Variants in AHCYL2 observed in about 807,000 individuals in gnomAD.
The protein encoded by AHCYL2 is adenosylhomocysteinase like 2.
Under a neutral mutation model 81.4 loss-of-function variants are expected in AHCYL2, and 28 were observed. The observed-to-expected ratio is 0.34, with a 90% CI of 0.25 to 0.47. AHCYL2 has a LOEUF of 0.47. Among genes scored for constraint, AHCYL2 ranks in the 20% least tolerant of loss-of-function variants. The pLI, the probability that AHCYL2 is intolerant of heterozygous loss-of-function variation, is 1.00. For synonymous variants in AHCYL2, 272 were observed against 290.2 expected (o/e 0.94, Z 0.64); for missense variants, 551 against 785.1 (o/e 0.70, Z 3.56).
At chr7:129,340,391 C>T (rs1464700392) in intron 1 of AHCYL2, among the ~76,000 whole-genome samples, 2 of 150,952 alleles carry the variant, frequency 1.3e-5, no homozygotes, top group East Asian at 3.9e-4. Flanking sequence ...CACGGTGAAA[C>T]CCCGTCTCTA....
chr7:129,275,917 C>T (rs1278379894), intron 1 of AHCYL2, among the ~76,000 whole-genome samples: 2 of 152,026 alleles, frequency 1.3e-5, no homozygotes, highest in African/African-American at 2.4e-5. Context: ...CCAAGCCCCA[C>T]GCTTAATAGA....
chr7:129,333,778 TAAG>T (rs979345750), intron 1 of AHCYL2, among the ~76,000 whole-genome samples: 1 of 152,200 alleles, frequency 6.6e-6, no homozygotes, highest in African/African-American at 2.4e-5. Context: ...AAAAATTAAA[TAAG>T]AAGAAACATT....
At chr7:129,367,523 A>G (rs1009794719) in intron 1 of AHCYL2, among the ~76,000 whole-genome samples, 4 of 152,196 alleles carry the variant, frequency 2.6e-5, no homozygotes, top group Non-Finnish European at 5.9e-5. Context: ...CTTTAAGGTG[A>G]TAGTGTACAG....
rs1794204295 is a variant in AHCYL2, at chr7:129,368,351, G to A, written c.364-11287G>A. The A allele has an allele frequency of 6.7e-7, 1 of 1,482,322 alleles. No individual in the cohort carries two copies. The highest frequency in any genetic ancestry group is 2.4e-5 in the East Asian group (1 of 41,586). The allele number at this position is 1,482,322 out of a possible 1,614,324, so 91.8% of individuals were successfully genotyped here. ...CTTGATTTGAATCGGAGGCTGCTGT[G>A]AAAAGGGATGCAGCTTCTGCTAGCC... On this transcript the variant is annotated intron_variant, in intron 1 of 16. Coordinates refer to ENST00000325006, the MANE Select transcript of AHCYL2 (RefSeq NM_015328.4). This position sits in a 1 kb window ranked among gnomAD's most constrained non-coding sequence, Gnocchi z 4.4.
chr7:129,292,515 C>G (rs1472222170), intron 1 of AHCYL2, among the ~76,000 whole-genome samples: 1 of 152,148 alleles, frequency 6.6e-6, no homozygotes, highest in Non-Finnish European at 1.5e-5. Flanking sequence ...GCCTGTAATC[C>G]TAGCACTTTG....
intron 1 of AHCYL2, among the ~76,000 whole-genome samples, chr7:129,362,942 CT>C (rs1477383501): frequency 1.3e-5 from 2 of 152,146 alleles, no homozygotes; most frequent in Admixed American, 1.3e-4. Context: ...AAAAGAGTAA[CT>C]TTTTGTCCCT....
chr7:129,384,337 G>A (rs1795106381), intron 2 of AHCYL2, among the ~76,000 whole-genome samples: 1 of 148,908 alleles, frequency 6.7e-6, no homozygotes, highest in African/African-American at 2.5e-5. Flanking sequence ...TTGCTAATAT[G>A]TTTTGGTCTT....
intron 1 of AHCYL2, among the ~76,000 whole-genome samples, chr7:129,275,804 CAT>C (rs1289225066): frequency 6.6e-6 from 1 of 152,052 alleles, no homozygotes; most frequent in East Asian, 1.9e-4. Flanking sequence ...AAAAATTTAA[CAT>C]GTCTTTTTGA....
rs1359621352 is a variant in AHCYL2, at chr7:129,419,486, G to A, written c.1462-3354G>A. ...GGAGAATCGCCTGAACCCGGGAGGC[G>A]GAGGTTGCAGTGAGCCAAGATCACG... On this transcript the variant is annotated intron_variant, in intron 12 of 16. Coordinates refer to ENST00000325006, the MANE Select transcript of AHCYL2 (RefSeq NM_015328.4). The surrounding 1 kb of genome is among the most constrained non-coding windows in gnomAD (Gnocchi z 4.7). Among the ~76,000 whole-genome samples, 4 of 152,078 alleles carry A rather than the reference G, an allele frequency of 2.6e-5. No homozygotes were observed. The highest frequency in any genetic ancestry group is 4.4e-5 in the Non-Finnish European group (3 of 68,014).
At chr7:129,256,403 G>A (rs2150709605) in intron 1 of AHCYL2, among the ~76,000 whole-genome samples, 1 of 152,216 alleles carries the variant, frequency 6.6e-6, no homozygotes, top group South Asian at 2.1e-4. Flanking sequence ...AGTAGCCTAT[G>A]CATTTACAAG....
intron 1 of AHCYL2, among the ~76,000 whole-genome samples, chr7:129,247,959 A>G (rs1360111106): frequency 2.0e-5 from 3 of 152,130 alleles, no homozygotes; most frequent in African/African-American, 7.2e-5. Context: ...AAGGTCACAA[A>G]TTTTATCTCC....
intron 1 of AHCYL2, among the ~76,000 whole-genome samples, chr7:129,241,594 AAAAAT>A (rs1372728496): frequency 7.9e-5 from 12 of 152,192 alleles, no homozygotes; most frequent in African/African-American, 1.2e-4. Flanking sequence ...CCATCTCAAA[AAAAAT>A]AAAATAAAAT....
chr7:129,380,239 T>C (rs575390544), intron 2 of AHCYL2, among the ~76,000 whole-genome samples: 131 of 152,330 alleles, frequency 8.6e-4, no homozygotes, highest in Non-Finnish European at 1.5e-3. Flanking sequence ...ATTGGACTTC[T>C]TGTTATTCCT....
At chr7:129,285,529 T>C (rs1432703964) in intron 1 of AHCYL2, among the ~76,000 whole-genome samples, 2 of 151,838 alleles carry the variant, frequency 1.3e-5, no homozygotes, top group African/African-American at 2.4e-5. Context: ...TTTGGCAAGT[T>C]GGAAAAGAAA....
chr7:129,425,138 A>G lies in AHCYL2; in HGVS notation c.1705A>G (p.Met569Val), dbSNP rs779489177. ...GGATGTCTACCTGTTGCCCAAGAAG[A>G]TGGGTAAGTATTTACTCTTCCATCT... is the stretch of plus-strand genomic sequence containing the variant. ...KQDVYLLPKK[M>V]DEYVASLHLP... The change falls in exon 15 of 17, where the codon ATG (methionine) becomes GTG (valine). Residue 569 changes from methionine (M) to valine (V), a missense_variant. Met to Val is a conservative substitution (Grantham distance 21, BLOSUM62 1). Around this residue, in one of 2 missense-constraint regions of AHCYL2, gnomAD observed 316 missense variants for 543.1 expected, o/e 0.58. Transcript: ENST00000325006. The G allele has an allele frequency of 6.2e-7, 1 of 1,612,332 alleles. No individual in the cohort carries two copies. Among genetic ancestry groups the G allele is most frequent in the South Asian group, 1.1e-5 (1 of 91,012 alleles).
intron 1 of AHCYL2, among the ~76,000 whole-genome samples, chr7:129,338,489 CT>C (rs1203645605): frequency 3.3e-5 from 5 of 152,140 alleles, no homozygotes; most frequent in Non-Finnish European, 4.4e-5. Context: ...TACTAAATGG[CT>C]TTTCATGGAG....
chr7:129,356,951 T>A (rs1460891731), intron 1 of AHCYL2, among the ~76,000 whole-genome samples: 2 of 152,262 alleles, frequency 1.3e-5, no homozygotes, highest in Non-Finnish European at 2.9e-5. Flanking sequence ...AACTGATTTT[T>A]AAAATTATTG....
intron 1 of AHCYL2, among the ~76,000 whole-genome samples, chr7:129,344,501 T>C (rs1490908616): frequency 6.6e-6 from 1 of 152,256 alleles, no homozygotes; most frequent in Non-Finnish European, 1.5e-5. Context: ...ATTTTATGAT[T>C]CCATATGATT....
intron 1 of AHCYL2, among the ~76,000 whole-genome samples, chr7:129,308,802 G>A (rs1055431851): frequency 6.6e-6 from 1 of 152,202 alleles, no homozygotes; most frequent in Admixed American, 6.5e-5. Flanking sequence ...TTGGTATTGG[G>A]TGCCCTGGGC....
Sources: gnomAD v4.1 joint callset for allele counts (sites outside exome capture counted in the v4.1 genomes callset) on GRCh38, gnomAD v4.1.1 for gene constraint, gnomAD v4.1.1 regional missense constraint, Gnocchi (gnomAD v3.1) non-coding constraint, MANE v1.5 for transcripts, NCBI Gene and HGNC (gene_info 2026-07-23, HGNC 2026-07-21) for gene names.